CBLB: variants seen among roughly 807,000 people sequenced by gnomAD.
CBLB encodes the protein Cbl proto-oncogene B.
CBLB carries 31 observed loss-of-function variants against 104.9 expected under a neutral mutation model. The observed-to-expected ratio is 0.30, with a 90% CI of 0.22 to 0.40. The LOEUF is 0.40. Ranked by LOEUF, CBLB falls within the 10% of genes least tolerant of loss-of-function variation. The pLI, the probability that CBLB is intolerant of heterozygous loss-of-function variation, is 1.00. For missense variants in CBLB, 1,062 were observed against 1,214.6 expected, an observed-to-expected ratio of 0.87 and a Z score of 1.87; for synonymous variants, 440 against 422.6, an observed-to-expected ratio of 1.04 and a Z score of -0.51.
At chr3:105,752,891 T>C (rs1263041528) in intron 4 of CBLB, among the ~76,000 whole-genome samples, 1 of 152,262 alleles carries the variant, frequency 6.6e-6, no homozygotes, top group Non-Finnish European at 1.5e-5. Flanking sequence ...CTGCTGCTGC[T>C]GCTGCTCTAG....
At chr3:105,713,114 C>T (rs952478681) in intron 10 of CBLB, among the ~76,000 whole-genome samples, 5 of 152,034 alleles carry the variant, frequency 3.3e-5, no homozygotes, top group African/African-American at 1.2e-4. Context: ...TGTTAATTTA[C>T]TTTAAAAATA....
At chr3:105,729,141 C>T (rs977778493) in intron 9 of CBLB, among the ~76,000 whole-genome samples, 13 of 152,028 alleles carry the variant, frequency 8.6e-5, no homozygotes, top group Non-Finnish European at 1.6e-4. Context: ...TATCAGCATG[C>T]CCAACCAACG....
intron 3 of CBLB, among the ~76,000 whole-genome samples, chr3:105,785,682 A>G (rs1474922940): frequency 2.0e-5 from 3 of 152,206 alleles, no homozygotes; most frequent in African/African-American, 7.2e-5. Flanking sequence ...AGTAAAATAC[A>G]AATGAACCAA....
At chr3:105,693,399 A>G in intron 13 of CBLB, 95 bp downstream of exon 13, 2 of 754,948 alleles carry the variant, frequency 2.6e-6, no homozygotes, top group Non-Finnish European at 4.7e-6. Flanking sequence ...ATGACTTTCT[A>G]TTCATCATGT....
rs547452834 is a variant in CBLB, at chr3:105,656,150, A to T, written c.*2820T>A. On this transcript the variant is annotated 3_prime_UTR_variant, in exon 19 of 19. Transcript: ENST00000394030. The stretch of plus-strand genomic sequence containing the variant: ...GGGGATAAAACAGATTATGGAGATA[A>T]ATTTACTGGAATATAATTGAGGATA... 85 of 220,068 alleles carry T rather than the reference A, an allele frequency of 3.9e-4. No homozygotes were observed. Among genetic ancestry groups the T allele is most frequent in the African/African-American group, 1.5e-3 (65 of 44,732 alleles). 13.6% of individuals were successfully genotyped at this position (220,068 alleles called of 1,614,324 possible). A position where few individuals can be genotyped will look rare whatever the true frequency, so the allele number is the denominator to read the frequency against.
At chr3:105,695,300 A>C (rs1227455032) in intron 12 of CBLB, among the ~76,000 whole-genome samples, 1 of 151,894 alleles carries the variant, frequency 6.6e-6, no homozygotes, top group Non-Finnish European at 1.5e-5. Flanking sequence ...CTAATTTAAC[A>C]ATAAACCAAC....
At chr3:105,835,006 A>G (rs2088225275) in intron 3 of CBLB, among the ~76,000 whole-genome samples, 1 of 152,240 alleles carries the variant, frequency 6.6e-6, no homozygotes, top group Non-Finnish European at 1.5e-5. Flanking sequence ...TTGCAACTAC[A>G]GGACAGTCTG....
rs2152964019 is a variant in CBLB at position 105,776,549 on chromosome 3, G to A, written c.420-7C>T. 1 of 1,612,986 alleles carries A rather than the reference G, an allele frequency of 6.2e-7. No individual in the cohort carries two copies. ...CAGTTTTGTGAGATTTCGTCTGTAG[G>A]CACAAGGGAAAAAAATGAAGATAAG... On this transcript the variant is annotated splice_region_variant and splice_polypyrimidine_tract_variant and intron_variant, in intron 3 of 18. Coordinates refer to ENST00000394030, the MANE Select transcript of CBLB (RefSeq NM_170662.5).
chr3:105,695,840 A>G (rs531602958), intron 12 of CBLB, among the ~76,000 whole-genome samples: 1 of 151,844 alleles, frequency 6.6e-6, no homozygotes, highest in South Asian at 2.1e-4. Flanking sequence ...CAAAAATTCT[A>G]TTACTCCTTT....
At position 105,776,393 on chromosome 3, in the gene CBLB, T is replaced by C. The variant is rs1328878717; in HGVS notation, c.566+3A>G. Reference sequence around the variant, plus strand: ...CACAGCTATAAAAATGATTTTTACTTACTTGTCTCCAAAAAACTTTCTCCA... The same window carrying C: ...CACAGCTATAAAAATGATTTTTACTCACTTGTCTCCAAAAAACTTTCTCCA... On this transcript the variant is annotated splice_donor_region_variant and intron_variant, in intron 4 of 18. Coordinates refer to ENST00000394030, the MANE Select transcript of CBLB (RefSeq NM_170662.5). The C allele has an allele frequency of 1.9e-6, 3 of 1,613,068 alleles. No individual in the cohort carries two copies. Among genetic ancestry groups the C allele is most frequent in the Admixed American group, 3.3e-5 (2 of 60,002 alleles).
At chr3:105,698,525 A>T (rs1374198516) in intron 12 of CBLB, among the ~76,000 whole-genome samples, 1 of 151,366 alleles carries the variant, frequency 6.6e-6, no homozygotes, top group African/African-American at 2.4e-5. Flanking sequence ...TTATCTCTAA[A>T]ATGGGAAGAT....
intron 4 of CBLB, among the ~76,000 whole-genome samples, chr3:105,765,891 A>G (rs1293093435): frequency 2.0e-5 from 3 of 152,190 alleles, no homozygotes; most frequent in Non-Finnish European, 4.4e-5. Flanking sequence ...TTGACTTTCA[A>G]GTCTTATTAT....
intron 12 of CBLB, among the ~76,000 whole-genome samples, chr3:105,696,029 GTA>G (rs1322277956): frequency 6.6e-6 from 1 of 151,158 alleles, no homozygotes; most frequent in Non-Finnish European, 1.5e-5. Flanking sequence ...ATATGTGTGA[GTA>G]TATATATGTT....
At chr3:105,758,232 T>C (rs758582209) in intron 4 of CBLB, among the ~76,000 whole-genome samples, 2 of 152,210 alleles carry the variant, frequency 1.3e-5, no homozygotes, top group Non-Finnish European at 2.9e-5. Context: ...CAAAACACTC[T>C]GGTTACATAG....
intron 12 of CBLB, among the ~76,000 whole-genome samples, chr3:105,701,503 C>T (rs577757163): frequency 1.4e-4 from 21 of 152,320 alleles, no homozygotes; most frequent in African/African-American, 5.1e-4. Context: ...TGGCTCATGC[C>T]TGTAATCCCA....
chr3:105,756,776 T>C (rs2077118103), intron 4 of CBLB, among the ~76,000 whole-genome samples: 1 of 152,154 alleles, frequency 6.6e-6, no homozygotes, highest in African/African-American at 2.4e-5. Flanking sequence ...TATGTACCCA[T>C]ATATAAACAC....
chr3:105,711,289 C>T (rs1430530915), intron 10 of CBLB, among the ~76,000 whole-genome samples: 1 of 151,764 alleles, frequency 6.6e-6, no homozygotes, highest in East Asian at 1.9e-4. Flanking sequence ...GAGAAGGACT[C>T]AGAGAGTCAA....
intron 5 of CBLB, among the ~76,000 whole-genome samples, chr3:105,751,148 T>C (rs1304510721): frequency 6.6e-6 from 1 of 152,120 alleles, no homozygotes; most frequent in Non-Finnish European, 1.5e-5. Context: ...TGCTAAAAGA[T>C]CAACAAAATA....
At chr3:105,754,533 G>GAGAGAGAGAC (rs2076899541) in intron 4 of CBLB, among the ~76,000 whole-genome samples, 11 of 129,462 alleles carry the variant, frequency 8.5e-5, no homozygotes, top group South Asian at 7.0e-4. Context: ...CAGAGAGAGA[G>GAGAGAGAGAC]AGAGAGAGAG....
Sources: allele counts gnomAD v4.1 joint callset (sites outside exome capture counted in the v4.1 genomes callset), GRCh38; gene constraint gnomAD v4.1.1; transcripts MANE v1.5; gene names NCBI Gene and HGNC (gene_info 2026-07-23, HGNC 2026-07-21).